ULBP3: variants seen among roughly 807,000 people sequenced by gnomAD.
ULBP3 encodes UL16 binding protein 3, also known as UL16-binding protein 3.
Under a neutral mutation model 24.9 loss-of-function variants are expected in ULBP3, and 25 were observed. The observed-to-expected ratio is 1.00, with a 90% CI of 0.73 to 1.40. ULBP3 has a LOEUF of 1.40. Ranked by LOEUF, ULBP3 falls within the 40% of genes most tolerant of loss-of-function variation. The pLI is 0.00. For synonymous variants in ULBP3, 114 were observed against 114.7 expected (o/e 0.99, Z 0.04); for missense variants, 306 against 307.5 (o/e 1.00, Z 0.04).
intron 3 of ULBP3, 57 bp downstream of exon 3, chr6:150,065,341 C>A (rs572231540): frequency 5.4e-5 from 86 of 1,598,570 alleles, no homozygotes; most frequent in Admixed American, 8.4e-5. Flanking sequence ...CACTGACAGA[C>A]AAGGGTGTAA....
intron 3 of ULBP3, 151 bp from the exon 4 acceptor site, chr6:150,064,864 G>A (rs576297250): frequency 1.1e-5 from 9 of 786,850 alleles, no homozygotes; most frequent in Admixed American, 2.7e-5. Context: ...CCTGGGGGTA[G>A]GAAGGGAGAA....
In ULBP3 at chr6:150,066,186, C is replaced by T. The variant is rs200285959; in HGVS notation, c.89-24G>A. The stretch of plus-strand genomic sequence containing the variant: ...GTCTAAGGAAAAAAAAAAAAAACAC[C>T]AGAGAGTGTTGGGGTGGGGGAAAGA... On this transcript the variant is annotated intron_variant, in intron 1 of 4. Coordinates refer to ENST00000367339, the MANE Select transcript of ULBP3 (RefSeq NM_024518.3). 17 of 1,607,582 alleles carry T rather than the reference C, an allele frequency of 1.1e-5. No homozygotes were observed. The East Asian group carries it at 3.6e-4, about 34-fold the overall frequency.
intron 3 of ULBP3, 28 bp from the exon 4 acceptor site, chr6:150,064,741 T>G: frequency 1.9e-6 from 3 of 1,610,944 alleles, no homozygotes; most frequent in Non-Finnish European, 2.5e-6. Context: ...AAGTGACAAC[T>G]CTTGTCCACG....
intron 3 of ULBP3, among the ~76,000 whole-genome samples, 162 bp downstream of exon 3, chr6:150,065,236 C>T (rs1302136749): frequency 1.3e-5 from 2 of 152,010 alleles, no homozygotes; most frequent in African/African-American, 2.4e-5. Flanking sequence ...ATGAGGGGTT[C>T]ATGTTCTTAC....
chr6:150,061,795 G>A lies in ULBP3; in HGVS notation c.*1579C>T, dbSNP rs2114787741. On this transcript the variant is annotated 3_prime_UTR_variant, in exon 5 of 5. Transcript: ENST00000367339. ...GAGTAGTGGGATTGCAGGCTTGAATGGTAGTTCTATTTTAAGTTCTTGGAG... is the reference window on the plus strand; with the variant it reads ...GAGTAGTGGGATTGCAGGCTTGAATAGTAGTTCTATTTTAAGTTCTTGGAG... Among the ~76,000 whole-genome samples the A allele has an allele frequency of 6.6e-6, 1 of 152,280 alleles. No homozygotes were observed. The highest frequency in any genetic ancestry group is 3.4e-3 in the Middle Eastern group (1 of 294).
intron 2 of ULBP3, 53 bp from the exon 3 acceptor site, chr6:150,065,726 T>A: frequency 6.2e-7 from 1 of 1,600,196 alleles, no homozygotes; most frequent in African/African-American, 1.3e-5. Context: ...CTCTTCCCTG[T>A]CCCACATCCT....
chr6:150,064,487 C>T (rs1436343854), intron 4 of ULBP3, 98 bp downstream of exon 4: 15 of 1,113,428 alleles, frequency 1.3e-5, no homozygotes, highest in African/African-American at 4.6e-5. Context: ...GAGAAGGTCC[C>T]GGCCATGGGG....
At chr6:150,066,885 A>G (rs1776355031) in intron 1 of ULBP3, among the ~76,000 whole-genome samples, 1 of 152,182 alleles carries the variant, frequency 6.6e-6, no homozygotes, top group African/African-American at 2.4e-5. Context: ...GGTCAGGGGT[A>G]GGAGATGCTC....
At chr6:150,064,527 C>T in intron 4 of ULBP3, 58 bp downstream of exon 4, 2 of 1,502,718 alleles carry the variant, frequency 1.3e-6, no homozygotes, top group Non-Finnish European at 1.8e-6. Flanking sequence ...TTCTCCTTTC[C>T]CTTCCTCCCA....
At chr6:150,064,772 C>G (rs962327236) in intron 3 of ULBP3, 59 bp from the exon 4 acceptor site, 1 of 1,548,866 alleles carries the variant, frequency 6.5e-7, no homozygotes, top group African/African-American at 1.4e-5. Flanking sequence ...GAGGAGATGG[C>G]TCCTTAGCTC....
In ULBP3 at chr6:150,061,634, T is replaced by C. The variant is rs1776274648; in HGVS notation, c.*1740A>G. On this transcript the variant is annotated 3_prime_UTR_variant, in exon 5 of 5. Coordinates refer to ENST00000367339, the MANE Select transcript of ULBP3 (RefSeq NM_024518.3). ...ATTTCCATGGTGTTTATGTACCACA[T>C]TTTTTTCATTCAATTCAGTGTTGCT... 6.6e-6 allele frequency among the ~76,000 whole-genome samples: 1 copy of C among 152,238 alleles called. No individual in the cohort carries two copies. The highest frequency in any genetic ancestry group is 6.5e-5 in the Admixed American group (1 of 15,286).
chr6:150,063,821 C>G (rs1776307526), intron 4 of ULBP3, among the ~76,000 whole-genome samples: 1 of 152,226 alleles, frequency 6.6e-6, no homozygotes, highest in Non-Finnish European at 1.5e-5. Flanking sequence ...CATTCCTGGC[C>G]AAGCTCAGTG....
chr6:150,068,142 AC>A (rs1015322239), intron 1 of ULBP3, among the ~76,000 whole-genome samples: 1 of 151,228 alleles, frequency 6.6e-6, no homozygotes, highest in Non-Finnish European at 1.5e-5. Context: ...ACATGGCTAC[AC>A]CCCCCCACCC....
Position 150,064,692 on chromosome 6 carries a change from C to T in ULBP3, c.650G>A (p.Gly217Asp). ...EPTAPPTMAP[G>D]LAQPKAIATT... ...GGCTATGGCTTTGGGTTGAGCTAAG[C>T]CTGGGGCCATGGTGGGTGGTGCTGA... The change falls in exon 4 of 5, where the codon GGC (glycine) becomes GAC (aspartate). Residue 217 changes from glycine to aspartate, a missense_variant. Physicochemically the swap from Gly to Asp is moderately conservative, Grantham distance 94. Transcript: ENST00000367339. The T allele has an allele frequency of 3.1e-6, 5 of 1,614,062 alleles. No homozygotes were observed. Among genetic ancestry groups the T allele is most frequent in the Non-Finnish European group, 4.2e-6 (5 of 1,179,934 alleles).
rs1384293143 is a variant in ULBP3, at chr6:150,062,316, T to C, written c.*1058A>G. On this transcript the variant is annotated 3_prime_UTR_variant, in exon 5 of 5. Transcript: ENST00000367339. ...TCTTTGCCAGGCCCTATGTCCACAT[T>C]GGTATTTCTTAGCTTATATTCCAGG... Among the ~76,000 whole-genome samples, 1 of 152,226 alleles carries C rather than the reference T, an allele frequency of 6.6e-6. No homozygotes were observed. Among genetic ancestry groups the C allele is most frequent in the East Asian group, 1.9e-4 (1 of 5,200 alleles).
chr6:150,065,708 T>C, intron 2 of ULBP3, 35 bp from the exon 3 acceptor site: 2 of 1,609,276 alleles, frequency 1.2e-6, no homozygotes, highest in Non-Finnish European at 8.5e-7. Flanking sequence ...CCCTGGTGTT[T>C]ACAAATTCTC....
chr6:150,064,716 G>A lies in ULBP3; in HGVS notation c.629-3C>T. On this transcript the variant is annotated splice_region_variant and splice_polypyrimidine_tract_variant and intron_variant, in intron 3 of 4. Transcript: ENST00000367339. The stretch of plus-strand genomic sequence containing the variant: ...GCCTGGGGCCATGGTGGGTGGTGCT[G>A]AAAGGGAAACACAAAAGTGACAACT... 6.2e-7 allele frequency: 1 copy of A among 1,613,844 alleles called. No individual in the cohort carries two copies. Among genetic ancestry groups the A allele is most frequent in the South Asian group, 1.1e-5 (1 of 91,058 alleles).
In ULBP3 at chr6:150,063,050, C is replaced by A. The variant is rs1356814275; in HGVS notation, c.*324G>T. On this transcript the variant is annotated 3_prime_UTR_variant, in exon 5 of 5. Transcript: ENST00000367339. ...CCGGGAAGCGGAGCTTGCAGTGAGC[C>A]GAGATTGCGCCACTGCAGTCCGCAG... 2 of 138,462 alleles carry A rather than the reference C, an allele frequency of 1.4e-5. No homozygotes were observed. Among genetic ancestry groups the A allele is most frequent in the Non-Finnish European group, 3.0e-5 (2 of 66,030 alleles). The allele number at this position is 138,462 out of a possible 1,614,324, so 8.6% of individuals were successfully genotyped here.
In ULBP3 at chr6:150,062,445, C is replaced by G. The variant is rs1230209087; in HGVS notation, c.*929G>C. On this transcript the variant is annotated 3_prime_UTR_variant, in exon 5 of 5. Transcript: ENST00000367339. ...TGGCATGCGCCTGTAGTCCCAGCTA[C>G]TCTAGAGGCTGAGTCTAGAGGATCA... is the stretch of plus-strand genomic sequence containing the variant. Among the ~76,000 whole-genome samples, 1 of 152,126 alleles carries G rather than the reference C, an allele frequency of 6.6e-6. No individual in the cohort carries two copies. Among genetic ancestry groups the G allele is most frequent in the Non-Finnish European group, 1.5e-5 (1 of 68,024 alleles).
Sources: gnomAD v4.1 joint callset for allele counts (sites outside exome capture counted in the v4.1 genomes callset) on GRCh38, gnomAD v4.1.1 for gene constraint, MANE v1.5 for transcripts, NCBI Gene and HGNC (gene_info 2026-07-23, HGNC 2026-07-21) for gene names.